Variants in SYT14 observed in about 807,000 individuals in gnomAD.
The protein encoded by SYT14 is synaptotagmin 14, also known as synaptotagmin-14.
SYT14 carries 32 observed loss-of-function variants against 74.2 expected under a neutral mutation model. The ratio of observed to expected loss-of-function variants is 0.43; its 90% CI spans 0.33 to 0.58. The LOEUF (loss-of-function observed/expected upper bound fraction) is 0.58. Ranked by LOEUF, SYT14 falls within the 20% of genes least tolerant of loss-of-function variation. The probability of loss-of-function intolerance (pLI) is 0.05; values close to 1 mark genes in which losing one functional copy is unlikely to be tolerated. For synonymous variants in SYT14, 298 were observed against 337.7 expected (o/e 0.88, Z 1.29); for missense variants, 791 against 981.8 (o/e 0.81, Z 2.60).
chr1:209,960,078 A>T (rs1430898908), intron 2 of SYT14, among the ~76,000 whole-genome samples: 2 of 152,192 alleles, frequency 1.3e-5, no homozygotes, highest in African/African-American at 4.8e-5. Flanking sequence ...AAATAATGAT[A>T]TGCCTGAGAC....
chr1:210,106,594 A>G (rs1489502578), intron 7 of SYT14, among the ~76,000 whole-genome samples: 1 of 152,170 alleles, frequency 6.6e-6, no homozygotes, highest in Non-Finnish European at 1.5e-5. Flanking sequence ...AAAAGGGGGA[A>G]AAGCCCCTTA....
chr1:209,970,405 G>T (rs12078871), intron 2 of SYT14, among the ~76,000 whole-genome samples: 20,836 of 151,856 alleles, frequency 0.14, 4,451 homozygotes, highest in African/African-American at 0.46. Context: ...TGTCTGTTCT[G>T]TCCTCTTGGT....
chr1:210,121,894 A>G (rs2082474844), intron 7 of SYT14, among the ~76,000 whole-genome samples: 1 of 152,246 alleles, frequency 6.6e-6, no homozygotes, highest in East Asian at 1.9e-4. Flanking sequence ...ATTTTCAGGC[A>G]TGCGTAGTAA....
At chr1:210,023,082 T>C (rs2080335873) in intron 5 of SYT14, among the ~76,000 whole-genome samples, 2 of 152,180 alleles carry the variant, frequency 1.3e-5, no homozygotes, top group South Asian at 2.1e-4. Flanking sequence ...TTTTTACACA[T>C]TTCTACCCTC....
chr1:209,983,757 A>G (rs566003721), intron 2 of SYT14, among the ~76,000 whole-genome samples: 47 of 152,322 alleles, frequency 3.1e-4, no homozygotes, highest in Non-Finnish European at 5.7e-4. Context: ...AGAATGGGCC[A>G]TACTTTCTTG....
At chr1:210,125,257 A>G (rs577508519) in intron 7 of SYT14, among the ~76,000 whole-genome samples, 3 of 112,796 alleles carry the variant, frequency 2.7e-5, no homozygotes, top group African/African-American at 1.1e-4. Flanking sequence ...TGTTGTTTCC[A>G]TCTTTATGTG....
chr1:209,976,783 CT>C (rs2079374036), intron 2 of SYT14, among the ~76,000 whole-genome samples: 1 of 152,150 alleles, frequency 6.6e-6, no homozygotes, highest in Non-Finnish European at 1.5e-5. Flanking sequence ...CTTCGTTGAT[CT>C]GTCTAATGTT....
At chr1:210,089,616 T>C (rs1277628075) in intron 5 of SYT14, among the ~76,000 whole-genome samples, 1 of 152,264 alleles carries the variant, frequency 6.6e-6, no homozygotes, top group African/African-American at 2.4e-5. Context: ...CTTTGATCCA[T>C]GGATTATTTT....
chr1:209,960,303 A>G (rs1011095602), intron 2 of SYT14, among the ~76,000 whole-genome samples: 2 of 152,172 alleles, frequency 1.3e-5, no homozygotes, highest in Admixed American at 6.5e-5. Flanking sequence ...AATTGTAGAA[A>G]AAAGTCTCTG....
chr1:209,955,511 T>TG (rs1403719609), intron 2 of SYT14, among the ~76,000 whole-genome samples: 2 of 152,326 alleles, frequency 1.3e-5, no homozygotes, highest in Admixed American at 6.5e-5. Context: ...ATCCTGCTGC[T>TG]GTCATTGTAG....
intron 5 of SYT14, among the ~76,000 whole-genome samples, chr1:210,053,712 T>C (rs1342570293): frequency 6.6e-6 from 1 of 152,244 alleles, no homozygotes; most frequent in Non-Finnish European, 1.5e-5. Flanking sequence ...GTTCAACTTC[T>C]GGTACCAATC....
Position 210,162,933 on chromosome 1 carries a change from T to G in SYT14, c.*1891T>G, listed in dbSNP as rs17015699. The G allele has an allele frequency of 4.5e-3, 2,017 of 452,300 alleles. 41 individuals are homozygous for G. The highest frequency in any genetic ancestry group is 0.036 in the African/African-American group (1,817 of 49,994). The allele number at this position is 452,300 out of a possible 1,614,324, so 28.0% of individuals were successfully genotyped here. ...TTACATCAATGAGCTTTTTCCAGGA[T>G]TTTTCAAATAAACAAGTAAGAGTTA... On this transcript the variant is annotated 3_prime_UTR_variant, in exon 10 of 10. Coordinates refer to ENST00000637265, the Ensembl canonical transcript of SYT14.
chr1:210,149,209 G>A (rs1442902825), intron 7 of SYT14, among the ~76,000 whole-genome samples: 3 of 136,622 alleles, frequency 2.2e-5, no homozygotes, highest in Admixed American at 1.6e-4. Flanking sequence ...TTTTGAGATG[G>A]AGTCTCACTC....
intron 5 of SYT14, among the ~76,000 whole-genome samples, chr1:210,081,036 A>G (rs1280301428): frequency 1.3e-5 from 2 of 152,192 alleles, no homozygotes; most frequent in African/African-American, 2.4e-5. Flanking sequence ...GGCATGTACC[A>G]AAGAGAGCAT....
At chr1:209,949,530 G>A (rs1421760576) in intron 1 of SYT14, among the ~76,000 whole-genome samples, 1 of 146,968 alleles carries the variant, frequency 6.8e-6, no homozygotes, top group East Asian at 2.0e-4. Context: ...CTGAGATTGT[G>A]CCACTGCACT....
At chr1:209,951,352 T>C (rs1163084365) in intron 1 of SYT14, among the ~76,000 whole-genome samples, 1 of 152,202 alleles carries the variant, frequency 6.6e-6, no homozygotes, top group Non-Finnish European at 1.5e-5. Context: ...ATCTGACTTT[T>C]GTAGATTCCA....
intron 2 of SYT14, among the ~76,000 whole-genome samples, chr1:209,970,662 CTTTTTTTTTTTTTTTTTTTTTTTTTTTT>C (rs35639848): frequency 8.0e-5 from 5 of 62,810 alleles, no homozygotes; most frequent in African/African-American, 3.3e-4. Context: ...GGCAGTATGG[CTTTTTTTTTTTTTTTTTTTTTTTTTTTT>C]TTTTTTTTTT....
chr1:209,973,121 G>A (rs1053185848), intron 2 of SYT14, among the ~76,000 whole-genome samples: 1 of 150,386 alleles, frequency 6.6e-6, no homozygotes, highest in Non-Finnish European at 1.5e-5. Context: ...TTTTATTGTT[G>A]TTGGTTTAAA....
At chr1:209,975,729 A>G (rs2079349547) in intron 2 of SYT14, among the ~76,000 whole-genome samples, 1 of 152,198 alleles carries the variant, frequency 6.6e-6, no homozygotes, top group South Asian at 2.1e-4. Context: ...AAAATGAGTT[A>G]GGGAGGATTC....
Sources: allele counts gnomAD v4.1 joint callset (sites outside exome capture counted in the v4.1 genomes callset), GRCh38; gene constraint gnomAD v4.1.1; transcripts MANE v1.5; gene names NCBI Gene and HGNC (gene_info 2026-07-23, HGNC 2026-07-21).